SEL1L2: variants seen among roughly 807,000 people sequenced by gnomAD.
SEL1L2 encodes the protein SEL1L2 adaptor subunit of SYVN1 ubiquitin ligase.
A neutral mutation model predicts 98.8 loss-of-function variants in SEL1L2; 89 were observed. That is an observed-to-expected ratio of 0.90 (90% confidence interval 0.76 to 1.07). SEL1L2 has a LOEUF of 1.07. Ranked by LOEUF, SEL1L2 falls within the 50% of genes least tolerant of loss-of-function variation. The pLI, the probability that SEL1L2 is intolerant of heterozygous loss-of-function variation, is 0.00. For synonymous variants in SEL1L2, 262 were observed against 278.5 expected, an observed-to-expected ratio of 0.94 and a Z score of 0.59; for missense variants, 788 against 812.0, an observed-to-expected ratio of 0.97 and a Z score of 0.36.
Position 13,933,799 on chromosome 20 carries a change from G to A in SEL1L2, c.115-2028C>T, listed in dbSNP as rs1326902149. Among the ~76,000 whole-genome samples the A allele has an allele frequency of 7.2e-5, 11 of 152,138 alleles. No individual in the cohort carries two copies. In the East Asian group the frequency reaches 2.1e-3, roughly 29 times the overall value. ...AGGTTTCTGTTTTGTTTTGCTTTGTGTCATTTGGTTTGCTTTGCTTTCTTG... is the reference window on the plus strand; with the variant it reads ...AGGTTTCTGTTTTGTTTTGCTTTGTATCATTTGGTTTGCTTTGCTTTCTTG... On this transcript the variant is annotated intron_variant, in intron 2 of 19. Transcript: ENST00000284951.
intron 11 of SEL1L2, among the ~76,000 whole-genome samples, chr20:13,876,693 T>C (rs913422811): frequency 3.9e-5 from 6 of 152,158 alleles, no homozygotes; most frequent in African/African-American, 1.4e-4. Flanking sequence ...AAGGGCCTGA[T>C]TGGGCTGAGA....
At chr20:13,889,428 T>C (rs1287408990) in intron 5 of SEL1L2, among the ~76,000 whole-genome samples, 1 of 152,212 alleles carries the variant, frequency 6.6e-6, no homozygotes, top group Admixed American at 6.5e-5. Flanking sequence ...TTAGTATAAA[T>C]TATAGCAATA....
Position 13,869,540 on chromosome 20 carries a change from C to T in SEL1L2, c.1218G>A (p.Trp406Ter). ...KYFQKAAEKGWPDAQFQLGFM... is the reference protein window; with the variant it reads ...KYFQKAAEKG ...AGCCTAACTGGAACTGTGCGTCGGGCCACCCTTTTTCCGCAGCTTTCTGAA... is the reference window on the plus strand; with the variant it reads ...AGCCTAACTGGAACTGTGCGTCGGGTCACCCTTTTTCCGCAGCTTTCTGAA... The change falls in exon 14 of 20, where the codon TGG becomes TGA. Residue 406 changes from tryptophan to a stop codon, truncating the protein, a stop_gained. Transcript: ENST00000284951. LOFTEE classifies it high-confidence loss of function. 1 of 1,614,094 alleles carries T rather than the reference C, an allele frequency of 6.2e-7. No homozygotes were observed. The highest frequency in any genetic ancestry group is 8.5e-7 in the Non-Finnish European group (1 of 1,179,998).
At chr20:13,911,258 A>G (rs1478735348) in intron 5 of SEL1L2, among the ~76,000 whole-genome samples, 1 of 152,208 alleles carries the variant, frequency 6.6e-6, no homozygotes, top group East Asian at 1.9e-4. Flanking sequence ...TCTCCCCATT[A>G]CTACATTACG....
intron 10 of SEL1L2, among the ~76,000 whole-genome samples, chr20:13,880,687 T>G (rs1022000556): frequency 6.6e-6 from 1 of 152,154 alleles, no homozygotes; most frequent in African/African-American, 2.4e-5. Flanking sequence ...ACATCATATT[T>G]CACTGATTCT....
chr20:13,903,606 A>T (rs1568936230), intron 5 of SEL1L2, among the ~76,000 whole-genome samples: 4 of 152,206 alleles, frequency 2.6e-5, no homozygotes, highest in Admixed American at 6.5e-5. Context: ...GGAGGTCAGG[A>T]GTTCGAGACC....
intron 5 of SEL1L2, among the ~76,000 whole-genome samples, chr20:13,900,549 C>T (rs2047624510): frequency 6.6e-6 from 1 of 152,124 alleles, no homozygotes; most frequent in Non-Finnish European, 1.5e-5. Flanking sequence ...AGGAGATGAA[C>T]TTTGGCGAAC....
At chr20:13,924,866 C>T (rs1177450600) in intron 3 of SEL1L2, among the ~76,000 whole-genome samples, 9 of 151,988 alleles carry the variant, frequency 5.9e-5, no homozygotes, top group South Asian at 2.1e-4. Flanking sequence ...TGGCCAGGCA[C>T]GGTGGCTCAC....
intron 10 of SEL1L2, among the ~76,000 whole-genome samples, chr20:13,882,886 G>C (rs1404951151): frequency 7.1e-6 from 1 of 140,576 alleles, no homozygotes. Context: ...GCGGGATCTC[G>C]GCTCACTGCA....
At chr20:13,913,685 G>T in intron 5 of SEL1L2, 97 bp downstream of exon 5, 1 of 1,132,858 alleles carries the variant, frequency 8.8e-7, no homozygotes, top group Non-Finnish European at 1.2e-6. Flanking sequence ...GGTTCATGCA[G>T]CAGAGCTGGA....
At position 13,874,191 on chromosome 20, in the gene SEL1L2, A is replaced by C. The variant is rs551192469; in HGVS notation, c.1104+1847T>G. On this transcript the variant is annotated intron_variant, in intron 12 of 19. Coordinates refer to ENST00000284951, the MANE Select transcript of SEL1L2 (RefSeq NM_025229.2). ...CCAACATGGGCACAACGTCACATAC[A>C]GTCACTGTGCTTGTTTCTAAGTAAA... is the stretch of plus-strand genomic sequence containing the variant. Among the ~76,000 whole-genome samples the C allele has an allele frequency of 4.6e-5, 7 of 152,358 alleles. No individual in the cohort carries two copies. In the East Asian group the frequency reaches 1.3e-3, roughly 29 times the overall value.
intron 12 of SEL1L2, among the ~76,000 whole-genome samples, chr20:13,873,978 GA>G (rs1283781980): frequency 6.6e-6 from 1 of 152,146 alleles, no homozygotes; most frequent in African/African-American, 2.4e-5. Flanking sequence ...TTCAGAACAG[GA>G]AAGAGATCAT....
intron 5 of SEL1L2, among the ~76,000 whole-genome samples, chr20:13,908,103 CTTTTTTTTTT>C (rs71188195): frequency 1.1e-4 from 3 of 26,746 alleles, no homozygotes; most frequent in East Asian, 1.4e-3. Flanking sequence ...TTTCTTGGTT[CTTTTTTTTTT>C]TTTTTTTTTT....
At chr20:13,870,959 G>GTGTTGCA (rs1198180458) in intron 12 of SEL1L2, among the ~76,000 whole-genome samples, 1 of 150,282 alleles carries the variant, frequency 6.7e-6, no homozygotes, top group Admixed American at 6.6e-5. Context: ...TAGATTGAGA[G>GTGTTGCA]TGTTGCAGAC....
At chr20:13,905,041 C>A (rs1286344578) in intron 5 of SEL1L2, among the ~76,000 whole-genome samples, 1 of 151,950 alleles carries the variant, frequency 6.6e-6, no homozygotes, top group African/African-American at 2.4e-5. Flanking sequence ...TGGGGAGGGG[C>A]GTATTCCTCA....
intron 2 of SEL1L2, among the ~76,000 whole-genome samples, chr20:13,953,644 C>T (rs780764288): frequency 6.6e-6 from 1 of 151,952 alleles, no homozygotes; most frequent in African/African-American, 2.4e-5. Context: ...TCTCCTATTC[C>T]GGGGTTGGTA....
Position 13,870,203 on chromosome 20 carries a change from C to G in SEL1L2, c.1105G>C (p.Gly369Arg). 6.2e-7 allele frequency: 1 copy of G among 1,607,306 alleles called. No individual in the cohort carries two copies. The highest frequency in any genetic ancestry group is 1.7e-4 in the Middle Eastern group (1 of 6,038). Reference protein sequence around the residue: ...FKYFSMAASKGNAIGLHGLGL... With the variant: ...FKYFSMAASKRNAIGLHGLGL... ...AGCCCATGAAGGCCGATTGCATTGC[C>G]CTAGAAGAGTTTTATAAAGCCAAGT... Residue 369 changes from glycine to arginine, a missense_variant and splice_region_variant, in exon 13 of 20, where the codon GGC (glycine) becomes CGC (arginine). Physicochemically the swap from Gly to Arg is moderately radical, Grantham distance 125 (BLOSUM62 -2). Transcript: ENST00000284951.
chr20:13,970,538 A>G (rs756744324), intron 1 of SEL1L2, among the ~76,000 whole-genome samples: 31 of 152,310 alleles, frequency 2.0e-4, no homozygotes, highest in Middle Eastern at 3.4e-3. Flanking sequence ...TATGTTATAT[A>G]TAATACTGCC....
chr20:13,961,177 C>T (rs2050757182), intron 1 of SEL1L2, among the ~76,000 whole-genome samples: 1 of 152,160 alleles, frequency 6.6e-6, no homozygotes, highest in Non-Finnish European at 1.5e-5. Flanking sequence ...GGTCTGACTC[C>T]AGAGCTCTTC....
Sources: allele counts gnomAD v4.1 joint callset (sites outside exome capture counted in the v4.1 genomes callset), GRCh38; gene constraint gnomAD v4.1.1; transcripts MANE v1.5; gene names NCBI Gene and HGNC (gene_info 2026-07-23, HGNC 2026-07-21).